PIP5K1B: variants seen among roughly 807,000 people sequenced by gnomAD.
The protein encoded by PIP5K1B is phosphatidylinositol 4-phosphate 5-kinase type-1 beta.
PIP5K1B carries 42 observed loss-of-function variants against 67.0 expected under a neutral mutation model. The observed-to-expected ratio is 0.63, with a 90% CI of 0.49 to 0.81. The LOEUF (loss-of-function observed/expected upper bound fraction) is 0.81, where lower values mean the gene tolerates loss of function less well. Among genes scored for constraint, PIP5K1B ranks in the 30% least tolerant of loss-of-function variants. The pLI, the probability that PIP5K1B is intolerant of heterozygous loss-of-function variation, is 0.00. For missense variants in PIP5K1B, 459 were observed against 646.3 expected (o/e 0.71, Z 3.14); for synonymous variants, 214 against 231.4 (o/e 0.92, Z 0.68).
rs1406509546 is a variant in PIP5K1B, at chr9:68,988,334, C to A, written c.1503-2806C>A. Among the ~76,000 whole-genome samples the A allele has an allele frequency of 4.0e-5, 6 of 148,374 alleles. No individual in the cohort carries two copies. The East Asian group carries it at 5.9e-4, about 15-fold the overall frequency. ...TATATATAAGAGCTTCCAGAATATT[C>A]TTTTATATATTTGATATATATTAAT... On this transcript the variant is annotated intron_variant, in intron 14 of 15. Transcript: ENST00000265382.
In PIP5K1B at chr9:68,940,709, C is replaced by T; in HGVS notation, c.1421C>T (p.Ser474Phe). ...ACTCCATCACTGTTTGAAGCTGCTTCCTTGGCAACCACAATTTCATCTTCT... is the reference window on the plus strand; with the variant it reads ...ACTCCATCACTGTTTGAAGCTGCTTTCTTGGCAACCACAATTTCATCTTCT... ...PSTPSLFEAA[S>F]LATTISSSSL... is the part of the protein sequence containing the mutation. Residue 474 changes from serine to phenylalanine, a missense_variant, in exon 14 of 16, where the codon TCC becomes TTC. Ser to Phe is a radical substitution (Grantham distance 155). This residue lies in a region of PIP5K1B where 169 missense variants were observed against 171.9 expected (regional missense o/e 0.98). Coordinates refer to ENST00000265382, the MANE Select transcript of PIP5K1B (RefSeq NM_003558.4). The T allele has an allele frequency of 1.2e-6, 2 of 1,614,026 alleles. No homozygotes were observed. The highest frequency in any genetic ancestry group is 1.7e-6 in the Non-Finnish European group (2 of 1,179,902).
rs773220432 is a variant in PIP5K1B at position 68,940,763 on chromosome 9, A to C, written c.1475A>C (p.His492Pro). Reference sequence around the variant, plus strand: ...TTATACGTCAATGAGCACTATCCACACGACAGGCCTACACTCTATTCAAAC... The same window carrying C: ...TTATACGTCAATGAGCACTATCCACCCGACAGGCCTACACTCTATTCAAAC... ...SSLYVNEHYP[H>P]DRPTLYSNSK... is the part of the protein sequence containing the mutation. Residue 492 changes from histidine (H) to proline (P), a missense_variant, in exon 14 of 16, where the codon CAC becomes CCC. Transcript: ENST00000265382. The C allele has an allele frequency of 6.8e-6, 11 of 1,613,862 alleles. No individual in the cohort carries two copies. Among genetic ancestry groups the C allele is most frequent in the Non-Finnish European group, 8.5e-6 (10 of 1,179,926 alleles).
intron 1 of PIP5K1B, among the ~76,000 whole-genome samples, chr9:68,721,581 C>G (rs776639468): frequency 6.6e-6 from 1 of 152,040 alleles, no homozygotes; most frequent in Non-Finnish European, 1.5e-5. Context: ...TTTGAGATAC[C>G]TGGGGGCTAT....
intron 8 of PIP5K1B, among the ~76,000 whole-genome samples, chr9:68,906,117 C>G (rs1355325881): frequency 2.6e-5 from 4 of 152,160 alleles, no homozygotes; most frequent in Non-Finnish European, 5.9e-5. Context: ...CTCCTGGGCT[C>G]AAGCGATCCT....
intron 14 of PIP5K1B, among the ~76,000 whole-genome samples, chr9:68,946,503 C>T (rs967888416): frequency 6.6e-6 from 1 of 152,126 alleles, no homozygotes; most frequent in African/African-American, 2.4e-5. Context: ...AGCAATTCCC[C>T]TACCTCAGCC....
At chr9:68,889,234 T>G in intron 7 of PIP5K1B, 101 bp downstream of exon 7, 1 of 843,902 alleles carries the variant, frequency 1.2e-6, no homozygotes, top group Admixed American at 2.3e-5. Context: ...CATGTTTCTT[T>G]CTCTTTGGTA....
At chr9:68,735,191 T>C (rs1156888626) in intron 1 of PIP5K1B, among the ~76,000 whole-genome samples, 1 of 152,142 alleles carries the variant, frequency 6.6e-6, no homozygotes, top group Non-Finnish European at 1.5e-5. Context: ...AGAATTCTTA[T>C]ATACCCCATA....
At chr9:68,879,938 T>C (rs1464435682) in intron 6 of PIP5K1B, among the ~76,000 whole-genome samples, 1 of 152,250 alleles carries the variant, frequency 6.6e-6, no homozygotes, top group Non-Finnish European at 1.5e-5. Flanking sequence ...CAAAACATCA[T>C]GTTGTATACC....
rs1198674549 is a variant in PIP5K1B at position 68,919,702 on chromosome 9, T to C, written c.1089T>C (p.His363=). ...QSYRLMKKLE[H]SWKALVYDGD... is the part of the protein sequence containing the mutation. ...TTAGGTTAATGAAGAAGTTAGAACA[T>C]TCCTGGAAAGCTCTTGTTTATGATG... Residue 363 remains histidine, a synonymous_variant, in exon 11 of 16, where the codon CAT becomes CAC. Coordinates refer to ENST00000265382, the MANE Select transcript of PIP5K1B (RefSeq NM_003558.4). The C allele has an allele frequency of 3.9e-6, 6 of 1,555,196 alleles. No individual in the cohort carries two copies. Among genetic ancestry groups the C allele is most frequent in the Non-Finnish European group, 5.3e-6 (6 of 1,127,570 alleles).
chr9:68,819,786 T>G (rs1030542620), intron 3 of PIP5K1B, among the ~76,000 whole-genome samples: 4 of 152,158 alleles, frequency 2.6e-5, no homozygotes, highest in Admixed American at 1.3e-4. Context: ...ATGCCCCTGG[T>G]TAATAGGTTT....
chr9:68,970,324 C>T (rs1223326300), intron 14 of PIP5K1B, among the ~76,000 whole-genome samples: 1 of 152,210 alleles, frequency 6.6e-6, no homozygotes. Context: ...TTGTCAAGAC[C>T]AGGCACTACG....
chr9:68,816,475 A>C (rs1833453144), intron 2 of PIP5K1B, among the ~76,000 whole-genome samples: 1 of 152,200 alleles, frequency 6.6e-6, no homozygotes, highest in African/African-American at 2.4e-5. Flanking sequence ...AATGCAAGAA[A>C]ATTTCCAAAC....
intron 1 of PIP5K1B, among the ~76,000 whole-genome samples, chr9:68,731,165 C>A (rs189860834): frequency 6.6e-6 from 1 of 152,204 alleles, no homozygotes; most frequent in Non-Finnish European, 1.5e-5. Context: ...AGAGGCTGTT[C>A]TAGAACGCTT....
At chr9:68,916,602 G>C (rs1268288907) in intron 8 of PIP5K1B, among the ~76,000 whole-genome samples, 1 of 152,084 alleles carries the variant, frequency 6.6e-6, no homozygotes, top group Admixed American at 6.5e-5. Flanking sequence ...GGCTGGGTGC[G>C]GTGGCTCACA....
chr9:68,823,726 T>C (rs183731343), intron 4 of PIP5K1B, among the ~76,000 whole-genome samples: 2 of 152,320 alleles, frequency 1.3e-5, no homozygotes, highest in Non-Finnish European at 2.9e-5. Flanking sequence ...GAGTAGGAGG[T>C]TTGTGTATTG....
In PIP5K1B at chr9:68,916,931, G is replaced by A. The variant is rs556784826; in HGVS notation, c.772-617G>A. Among the ~76,000 whole-genome samples, 6 of 151,998 alleles carry A rather than the reference G, an allele frequency of 3.9e-5. No individual in the cohort carries two copies. In the East Asian group the frequency reaches 9.7e-4, roughly 24 times the overall value. ...GACCACTAACTTCCAAGAAGTTTAT[G>A]AGAACAGAATTCAGACATAGAAAAG... On this transcript the variant is annotated intron_variant, in intron 8 of 15. Transcript: ENST00000265382.
intron 14 of PIP5K1B, among the ~76,000 whole-genome samples, chr9:68,978,423 C>A (rs969367195): frequency 3.3e-5 from 5 of 152,326 alleles, no homozygotes; most frequent in Admixed American, 2.0e-4. Context: ...CCAGGTTCAT[C>A]CATGTTATTG....
In PIP5K1B at chr9:68,789,167, C is replaced by T. The variant is rs114998505; in HGVS notation, c.-85-29294C>T. ...ATTTCACCCCAGTACCTCGCCAAGG[C>T]ACCATTGACAGTTATCCAGTGGGAA... is the stretch of plus-strand genomic sequence containing the variant. On this transcript the variant is annotated intron_variant, in intron 2 of 15. Coordinates refer to ENST00000265382, the MANE Select transcript of PIP5K1B (RefSeq NM_003558.4). 2,394 of 571,776 alleles carry T rather than the reference C, an allele frequency of 4.2e-3. 48 individuals carry two copies. The highest frequency in any genetic ancestry group is 0.041 in the African/African-American group (2,182 of 52,608). 35.4% of individuals were successfully genotyped at this position (571,776 alleles called of 1,614,324 possible). A position where few individuals can be genotyped will look rare whatever the true frequency, so the allele number is the denominator to read the frequency against.
chr9:68,892,547 T>C (rs1214028507), intron 7 of PIP5K1B, among the ~76,000 whole-genome samples: 1 of 152,188 alleles, frequency 6.6e-6, no homozygotes, highest in Non-Finnish European at 1.5e-5. Context: ...TCAATAAGTA[T>C]CCATTTGAGG....
Sources: gnomAD v4.1 joint callset for allele counts (sites outside exome capture counted in the v4.1 genomes callset) on GRCh38, gnomAD v4.1.1 for gene constraint, gnomAD v4.1.1 regional missense constraint, MANE v1.5 for transcripts, NCBI Gene and HGNC (gene_info 2026-07-23, HGNC 2026-07-21) for gene names.